The following EYS variants were observed in gnomAD, a reference collection of about 807,000 sequenced individuals.
EYS encodes EGF-like photoreceptor maintenance factor.
In EYS, 250 loss-of-function variants were observed where a neutral mutation model predicts 282.1. The ratio of observed to expected loss-of-function variants is 0.89; its 90% CI spans 0.80 to 0.98. EYS has a LOEUF of 0.98. EYS is among the 50% of genes least tolerant of loss of function. The pLI is 0.00. For synonymous variants in EYS, 1,355 were observed against 1,282.9 expected (o/e 1.06, Z -1.20); for missense variants, 4,016 against 3,709.0 (o/e 1.08, Z -2.15).
At chr6:65,569,214 A>T (rs1764393952) in intron 2 of EYS, among the ~76,000 whole-genome samples, 1 of 151,712 alleles carries the variant, frequency 6.6e-6, no homozygotes, top group Admixed American at 6.6e-5. Flanking sequence ...GCACCTTGTG[A>T]CCCCCGCCCC....
intron 31 of EYS, among the ~76,000 whole-genome samples, chr6:64,155,988 ATATGTGTG>A (rs1344514591): frequency 1.3e-5 from 2 of 150,828 alleles, no homozygotes; most frequent in Admixed American, 6.6e-5. Flanking sequence ...TTATATATAT[ATATGTGTG>A]TGTGTGTGTG....
intron 22 of EYS, among the ~76,000 whole-genome samples, chr6:64,630,882 A>C (rs1482150098): frequency 1.3e-5 from 2 of 152,212 alleles, no homozygotes; most frequent in Non-Finnish European, 2.9e-5. Flanking sequence ...GATCTGTAAA[A>C]ATTTATAACA....
chr6:65,650,435 C>T (rs1767614838), intron 1 of EYS, among the ~76,000 whole-genome samples: 1 of 152,060 alleles, frequency 6.6e-6, no homozygotes, highest in African/African-American at 2.4e-5. Flanking sequence ...ACACAGTAGC[C>T]ATATATTTAT....
At position 65,026,916 on chromosome 6, in the gene EYS, C is replaced by CAAAAAA. The variant is rs1260312589; in HGVS notation, c.2138-29219_2138-29214dup. 6.7e-4 allele frequency among the ~76,000 whole-genome samples: 72 copies of CAAAAAA among 107,794 alleles called. 1 individual carries two copies. Among genetic ancestry groups the CAAAAAA allele is most frequent in the East Asian group, 1.5e-3 (5 of 3,342 alleles). 70.7% of individuals were successfully genotyped at this position (107,794 alleles called of 152,430 possible). A position where few individuals can be genotyped will look rare whatever the true frequency, so the allele number is the denominator to read the frequency against. On this transcript the variant is annotated intron_variant, in intron 13 of 42. Transcript: ENST00000503581. ...TGGGCGACAGAGTGAGACTCCGTCT[C>CAAAAAA]AAAAAAAAAAAAAAGATTCAGATAT...
rs371601280 is a variant in EYS, at chr6:65,554,382, A to T, written c.-332-58389T>A. Among the ~76,000 whole-genome samples, 12 of 152,238 alleles carry T rather than the reference A, an allele frequency of 7.9e-5. No homozygotes were observed. The South Asian group carries it at 1.2e-3, about 16-fold the overall frequency. On this transcript the variant is annotated intron_variant, in intron 2 of 42. Transcript: ENST00000503581. ...AATTAATTAAACAATCTCTTTCCTG[A>T]ACTTTCTCTCAACCTCCTTCTTTAT...
At chr6:64,120,357 TAAAAA>T (rs34632243) in intron 31 of EYS, among the ~76,000 whole-genome samples, 4 of 76,774 alleles carry the variant, frequency 5.2e-5, no homozygotes, top group African/African-American at 2.4e-4. Context: ...CTCCATCTCT[TAAAAA>T]AAAAAAAAAA....
chr6:64,296,598 A>ATATATATATATATTT (rs1561913902), intron 30 of EYS, among the ~76,000 whole-genome samples: 1 of 20,134 alleles, frequency 5.0e-5, no homozygotes, highest in African/African-American at 1.6e-4. Context: ...ATATATATAT[A>ATATATATATATATTT]TTTTTTTTTT....
intron 33 of EYS, among the ~76,000 whole-genome samples, chr6:64,002,085 C>T (rs879456718): frequency 4.6e-5 from 7 of 152,220 alleles, no homozygotes; most frequent in Non-Finnish European, 7.3e-5. Context: ...TGATTGTCGA[C>T]ACCAGCAGAC....
chr6:63,806,428 G>C (rs1770911165), intron 36 of EYS, 56 bp from the exon 37 acceptor site: 1 of 1,415,440 alleles, frequency 7.1e-7, no homozygotes. Flanking sequence ...TATTTGTAAA[G>C]TGAGGGTTAC....
At chr6:64,908,296 G>T (rs1031869560) in intron 16 of EYS, among the ~76,000 whole-genome samples, 12 of 152,150 alleles carry the variant, frequency 7.9e-5, no homozygotes, top group African/African-American at 2.7e-4. Flanking sequence ...CTGACCAGGT[G>T]TGTTGCCTTG....
At chr6:65,580,148 C>T (rs1004918065) in intron 2 of EYS, among the ~76,000 whole-genome samples, 5 of 151,926 alleles carry the variant, frequency 3.3e-5, no homozygotes, top group African/African-American at 4.8e-5. Context: ...ATATCTGTAT[C>T]CTCAGGAAGG....
chr6:64,860,261 C>A (rs1766194734), intron 19 of EYS, among the ~76,000 whole-genome samples: 1 of 152,364 alleles, frequency 6.6e-6, no homozygotes, highest in African/African-American at 2.4e-5. Context: ...GCCAGTGGTG[C>A]CATTGCCCAA....
At chr6:64,295,057 ATTGG>A (rs1768866848) in intron 30 of EYS, among the ~76,000 whole-genome samples, 1 of 151,750 alleles carries the variant, frequency 6.6e-6, no homozygotes, top group African/African-American at 2.4e-5. Flanking sequence ...TTCTTGGGTT[ATTGG>A]GTAGACATTT....
At chr6:64,338,532 A>C (rs1770952549) in intron 29 of EYS, among the ~76,000 whole-genome samples, 1 of 152,024 alleles carries the variant, frequency 6.6e-6, no homozygotes, top group Non-Finnish European at 1.5e-5. Context: ...GTAGAGTAGA[A>C]TCAATATTTG....
intron 1 of EYS, among the ~76,000 whole-genome samples, chr6:65,640,783 T>C (rs889113881): frequency 6.6e-6 from 1 of 152,178 alleles, no homozygotes; most frequent in Non-Finnish European, 1.5e-5. Context: ...ATAATGTTTC[T>C]AGTTGTGGAT....
chr6:64,935,388 A>C (rs974969658), intron 15 of EYS, among the ~76,000 whole-genome samples: 4 of 151,916 alleles, frequency 2.6e-5, no homozygotes, highest in African/African-American at 7.2e-5. Flanking sequence ...TTGTTCAACT[A>C]TATGCTATTT....
chr6:65,411,723 A>G (rs906203976), intron 5 of EYS, among the ~76,000 whole-genome samples: 5 of 152,074 alleles, frequency 3.3e-5, no homozygotes, highest in African/African-American at 1.2e-4. Flanking sequence ...AAATGAAACC[A>G]TACAATATGT....
At chr6:65,119,121 T>C (rs1454142657) in intron 12 of EYS, among the ~76,000 whole-genome samples, 1 of 152,182 alleles carries the variant, frequency 6.6e-6, no homozygotes, top group African/African-American at 2.4e-5. Context: ...CTCTTTTCAA[T>C]TATTATTTCT....
chr6:65,547,306 A>G (rs1768427287), intron 2 of EYS, among the ~76,000 whole-genome samples: 1 of 151,742 alleles, frequency 6.6e-6, no homozygotes, highest in South Asian at 2.1e-4. Flanking sequence ...TGAATCTACT[A>G]AAAACTATAT....
Sources: gnomAD v4.1 joint callset for allele counts (sites outside exome capture counted in the v4.1 genomes callset) on GRCh38, gnomAD v4.1.1 for gene constraint, MANE v1.5 for transcripts, NCBI Gene and HGNC (gene_info 2026-07-23, HGNC 2026-07-21) for gene names.